PIGN: variants seen among roughly 807,000 people sequenced by gnomAD.
PIGN encodes phosphatidylinositol glycan anchor biosynthesis class N.
In PIGN, 117 loss-of-function variants were observed where a neutral mutation model predicts 125.4. That is an observed-to-expected ratio of 0.93 (90% CI 0.80 to 1.09). The LOEUF is 1.09. Among genes scored for constraint, PIGN ranks in the 50% least tolerant of loss-of-function variants. The pLI, the probability that PIGN is intolerant of heterozygous loss-of-function variation, is 0.00. For missense variants in PIGN, 1,075 were observed against 1,094.9 expected (o/e 0.98, Z 0.26); for synonymous variants, 392 against 377.8 (o/e 1.04, Z -0.44).
chr18:62,061,108 T>C (rs2032095870), intron 30 of PIGN, among the ~76,000 whole-genome samples: 1 of 152,224 alleles, frequency 6.6e-6, no homozygotes, highest in Admixed American at 6.5e-5. Context: ...GTATGCTTCC[T>C]GAGTCTCAAT....
intron 1 of PIGN, among the ~76,000 whole-genome samples, chr18:62,183,337 T>C (rs971723166): frequency 1.3e-5 from 2 of 152,196 alleles, no homozygotes; most frequent in Non-Finnish European, 2.9e-5. Flanking sequence ...AGGTCTTTTA[T>C]AGACTAGCCT....
rs941059177 is a variant in PIGN at position 62,072,128 on chromosome 18, G to T, written c.2672+545C>A. ...AAAAGTTTAAAAAGTAAAAAAAAGT[G>T]ATTTTAAAATATTAAATTAAAATAT... On this transcript the variant is annotated intron_variant, in intron 30 of 30. Transcript: ENST00000640252. Among the ~76,000 whole-genome samples, 80 of 149,482 alleles carry T rather than the reference G, an allele frequency of 5.4e-4. 1 individual carries two copies. In the South Asian group the frequency reaches 0.016, roughly 31 times the overall value.
chr18:62,071,870 A>ATATATATATATATG (rs1555676346), intron 30 of PIGN, among the ~76,000 whole-genome samples: 32 of 10,890 alleles, frequency 2.9e-3, no homozygotes, highest in African/African-American at 0.016. Flanking sequence ...TTCCATATAT[A>ATATATATATATATG]TATATATATA....
chr18:62,143,459 A>G lies in PIGN; in HGVS notation c.923-113T>C, dbSNP rs988939324. 4 of 622,922 alleles carry G rather than the reference A, an allele frequency of 6.4e-6. 1 individual carries two copies. The highest frequency in any genetic ancestry group is 3.1e-5 in the Admixed American group (1 of 32,408). The allele number at this position is 622,922 out of a possible 1,614,324, so 38.6% of individuals were successfully genotyped here. A position where few individuals can be genotyped will look rare whatever the true frequency, so the allele number is the denominator to read the frequency against. ...GAAAACATAGGTGTTAGAAATGTCTATTTTAAGCCAAGTATGAATAAAAAT... is the reference window on the plus strand; with the variant it reads ...GAAAACATAGGTGTTAGAAATGTCTGTTTTAAGCCAAGTATGAATAAAAAT... On this transcript the variant is annotated intron_variant, in intron 10 of 30. Transcript: ENST00000640252.
chr18:62,123,655 T>C (rs1173965003), intron 14 of PIGN: 6 of 152,192 alleles, frequency 3.9e-5, no homozygotes, highest in African/African-American at 1.4e-4. Flanking sequence ...AAGAGTCTGA[T>C]ACCAAGTTAG....
chr18:62,159,392 A>G (rs2036859226), intron 4 of PIGN, among the ~76,000 whole-genome samples: 1 of 152,220 alleles, frequency 6.6e-6, no homozygotes, highest in Non-Finnish European at 1.5e-5. Context: ...CCAAAGGAGA[A>G]ACAAGTGCCA....
At chr18:62,128,646 T>C (rs1405558681) in intron 14 of PIGN, among the ~76,000 whole-genome samples, 2 of 145,480 alleles carry the variant, frequency 1.4e-5, no homozygotes, top group African/African-American at 4.9e-5. Flanking sequence ...TTTAGGTTGA[T>C]ATGAGGAAAA....
At chr18:62,118,805 A>G (rs2035183555) in intron 14 of PIGN, 2 of 151,922 alleles carry the variant, frequency 1.3e-5, no homozygotes, top group African/African-American at 2.4e-5. Context: ...CTTTTATAAG[A>G]AAGAAATATT....
At chr18:62,032,221 G>C in intron 23 of PIGN, among the ~76,000 whole-genome samples, 1 of 152,202 alleles carries the variant, frequency 6.6e-6, no homozygotes, top group East Asian at 1.9e-4. Context: ...GATGTGGAGA[G>C]ATCTTTTGGG....
At chr18:62,033,304 T>C (rs1424726032) in intron 23 of PIGN, among the ~76,000 whole-genome samples, 1 of 152,112 alleles carries the variant, frequency 6.6e-6, no homozygotes, top group African/African-American at 2.4e-5. Context: ...ATAAAATCAC[T>C]GGATTTGTAA....
chr18:62,127,908 CTGA>C (rs1357172553), intron 14 of PIGN, among the ~76,000 whole-genome samples: 2 of 152,016 alleles, frequency 1.3e-5, no homozygotes, highest in Non-Finnish European at 2.9e-5. Flanking sequence ...GAAGATAGGA[CTGA>C]TGATGGAAAT....
downstream of PIGN, among the ~76,000 whole-genome samples, chr18:62,037,825 C>G (rs1447563252): frequency 6.6e-6 from 1 of 152,186 alleles, no homozygotes; most frequent in Non-Finnish European, 1.5e-5. Context: ...CCAGACCAGG[C>G]TCGCTGAGGT....
intron 23 of PIGN, among the ~76,000 whole-genome samples, chr18:62,036,033 A>T (rs1477778613): frequency 6.6e-6 from 1 of 151,982 alleles, no homozygotes; most frequent in Non-Finnish European, 1.5e-5. Context: ...AGGTTGCAAA[A>T]CTGCTCCACC....
In PIGN at chr18:62,140,495, C is replaced by G. The variant is rs1346892924; in HGVS notation, c.964-16G>C. ...CAATATCAGCCTACAAATAAAAAAG[C>G]TCAATTCTAAGAAGTCTATGGACAT... On this transcript the variant is annotated splice_polypyrimidine_tract_variant and intron_variant, in intron 11 of 30. Transcript: ENST00000640252. 1 of 1,457,566 alleles carries G rather than the reference C, an allele frequency of 6.9e-7. No homozygotes were observed. The highest frequency in any genetic ancestry group is 1.2e-5 in the South Asian group (1 of 81,114). 90.3% of individuals were successfully genotyped at this position (1,457,566 alleles called of 1,614,324 possible). A position where few individuals can be genotyped will look rare whatever the true frequency, so the allele number is the denominator to read the frequency against.
At chr18:62,114,912 T>C (rs1241721066) in intron 14 of PIGN, among the ~76,000 whole-genome samples, 1 of 152,224 alleles carries the variant, frequency 6.6e-6, no homozygotes, top group Non-Finnish European at 1.5e-5. Flanking sequence ...TGTAATACTC[T>C]GGCTAACAAA....
At position 62,085,233 on chromosome 18, in the gene PIGN, G is replaced by C; in HGVS notation, c.2402C>G (p.Thr801Ser). The C allele has an allele frequency of 1.9e-6, 3 of 1,543,398 alleles. No homozygotes were observed. The highest frequency in any genetic ancestry group is 2.6e-6 in the Non-Finnish European group (3 of 1,140,216). The change falls in exon 26 of 31, where the codon ACT (threonine) becomes AGT (serine). Residue 801 changes from threonine to serine, a missense_variant. This residue lies in a region of PIGN where 915 missense variants were observed against 908.7 expected (regional missense o/e 1.01). Transcript: ENST00000640252. ...CCTGTTAATAGAAGCTATATTTCCA[G>C]TTCCAAAAAATGCTGTCACTAAGAA... is the stretch of plus-strand genomic sequence containing the variant. ...VFFLVTAFFG[T>S]GNIASINSFD... is the part of the protein sequence containing the mutation.
chr18:62,018,770 C>T (rs1279896212), intron 23 of PIGN, among the ~76,000 whole-genome samples: 3 of 152,286 alleles, frequency 2.0e-5, no homozygotes, highest in Middle Eastern at 6.8e-3. Flanking sequence ...TCTGAAACCA[C>T]ATGCATGTAA....
At chr18:62,020,388 T>C (rs1300925848) in intron 23 of PIGN, among the ~76,000 whole-genome samples, 1 of 152,116 alleles carries the variant, frequency 6.6e-6, no homozygotes, top group Non-Finnish European at 1.5e-5. Context: ...ATACAATACA[T>C]AACCTCTAGA....
At chr18:62,087,090 G>C (rs2033742875) in intron 25 of PIGN, among the ~76,000 whole-genome samples, 1 of 152,162 alleles carries the variant, frequency 6.6e-6, no homozygotes. Context: ...ACACATCTTA[G>C]AGTTGTTTGC....
Sources: allele counts gnomAD v4.1 joint callset (sites outside exome capture counted in the v4.1 genomes callset), GRCh38; gene constraint gnomAD v4.1.1; regional missense constraint gnomAD v4.1.1; transcripts MANE v1.5; gene names NCBI Gene and HGNC (gene_info 2026-07-23, HGNC 2026-07-21).